The following ZDHHC15 variants were observed in gnomAD, a reference collection of about 807,000 sequenced individuals.
ZDHHC15 encodes zDHHC palmitoyltransferase 15.
Under a neutral mutation model 31.7 loss-of-function variants are expected in ZDHHC15, and 19 were observed. The ratio of observed to expected loss-of-function variants is 0.60; its 90% CI spans 0.42 to 0.88. The LOEUF is 0.88. Ranked by LOEUF, ZDHHC15 falls within the 40% of genes least tolerant of loss-of-function variation. The pLI, the probability that ZDHHC15 is intolerant of heterozygous loss-of-function variation, is 0.00. For missense variants in ZDHHC15, 209 were observed against 251.2 expected (o/e 0.83, Z 1.14); for synonymous variants, 103 against 90.0 (o/e 1.14, Z -0.82).
intron 3 of ZDHHC15, among the ~76,000 whole-genome samples, chrX:75,478,459 C>T (rs912295527): frequency 7.2e-5 from 8 of 111,149 alleles, no homozygotes; most frequent in African/African-American, 2.0e-4. Flanking sequence ...CACAGGTCAC[C>T]GCAGCCTCAA....
chrX:75,508,118 C>T (rs1056200497), intron 1 of ZDHHC15, among the ~76,000 whole-genome samples: 10 of 110,668 alleles, frequency 9.0e-5, no homozygotes, highest in Admixed American at 2.9e-4. Context: ...ATATATTTTA[C>T]CAATATATCA....
chrX:75,462,356 G>A (rs1258926986), intron 3 of ZDHHC15, among the ~76,000 whole-genome samples: 1 of 112,002 alleles, frequency 8.9e-6, no homozygotes, highest in Non-Finnish European at 1.9e-5. Flanking sequence ...GACAGTATTA[G>A]TCAGATCATC....
chrX:75,471,714 C>T (rs1171175354), intron 3 of ZDHHC15, among the ~76,000 whole-genome samples: 1 of 111,925 alleles, frequency 8.9e-6, no homozygotes, highest in African/African-American at 3.2e-5. Context: ...GGCTCTTCAA[C>T]AGGTCCAGGC....
chrX:75,469,048 A>G (rs925881745), intron 3 of ZDHHC15, among the ~76,000 whole-genome samples: 3 of 57,855 alleles, frequency 5.2e-5, no homozygotes, highest in Non-Finnish European at 1.8e-4. Context: ...TTGATGTACA[A>G]AAGGCTTTTT....
At chrX:75,380,855 G>A (rs1240767162) in intron 10 of ZDHHC15, among the ~76,000 whole-genome samples, 2 of 111,349 alleles carry the variant, frequency 1.8e-5, no homozygotes, top group Non-Finnish European at 3.8e-5. Flanking sequence ...TAGTCTTAGT[G>A]TGTGCTGGTT....
In ZDHHC15 at chrX:75,520,793, G is replaced by A. The variant is rs969746691; in HGVS notation, c.136+2096C>T. Among the ~76,000 whole-genome samples the A allele has an allele frequency of 1.0e-3, 112 of 111,312 alleles. 1 individual carries two copies. Among genetic ancestry groups the A allele is most frequent in the African/African-American group, 3.5e-3 (108 of 30,663 alleles). ...ACTTGTATCTATGAAGGCAACTAAT[G>A]ACATTTATTTTAAGAGCTCTTTCTG... On this transcript the variant is annotated intron_variant, in intron 1 of 11. Transcript: ENST00000373367.
At chrX:75,407,472 G>T (rs763549747) in intron 10 of ZDHHC15, among the ~76,000 whole-genome samples, 1 of 106,446 alleles carries the variant, frequency 9.4e-6, no homozygotes, top group Non-Finnish European at 2.0e-5. Context: ...CAGCCACCCC[G>T]CCTGGCCAGC....
chrX:75,396,293 C>T (rs1334371537), intron 10 of ZDHHC15, among the ~76,000 whole-genome samples: 1 of 111,717 alleles, frequency 9.0e-6, no homozygotes, highest in Non-Finnish European at 1.9e-5. Context: ...TCAAACAATT[C>T]TATAGGAAAA....
rs776085954 is a variant in ZDHHC15, at chrX:75,378,238, C to A, written c.*32+882G>T. ...TGCAGACTTGGATAAGTGATTTAACCTCTCTGCATATCAGTTTTCTCATAA... is the reference window on the plus strand; with the variant it reads ...TGCAGACTTGGATAAGTGATTTAACATCTCTGCATATCAGTTTTCTCATAA... On this transcript the variant is annotated intron_variant, in intron 11 of 11. Transcript: ENST00000373367. 5.3e-5 allele frequency among the ~76,000 whole-genome samples: 6 copies of A among 112,165 alleles called. No homozygotes were observed. In the Admixed American group the frequency reaches 5.7e-4, roughly 11 times the overall value.
At chrX:75,435,583 C>T (rs1002816325) in intron 4 of ZDHHC15, among the ~76,000 whole-genome samples, 4 of 111,837 alleles carry the variant, frequency 3.6e-5, no homozygotes, top group Non-Finnish European at 5.6e-5. Context: ...GTTTTTTCTG[C>T]GTCTATTGAG....
chrX:75,430,828 C>T (rs2083770784), intron 5 of ZDHHC15, among the ~76,000 whole-genome samples: 1 of 111,356 alleles, frequency 9.0e-6, no homozygotes, highest in East Asian at 2.8e-4. Flanking sequence ...TCTTCCTCCC[C>T]CAGATCATAT....
intron 10 of ZDHHC15, among the ~76,000 whole-genome samples, chrX:75,411,691 A>T (rs1351545430): frequency 8.9e-6 from 1 of 112,199 alleles, no homozygotes. Context: ...TATTTTTAAA[A>T]CCACAGTGCA....
At chrX:75,416,627 G>A (rs2083551630) in intron 10 of ZDHHC15, among the ~76,000 whole-genome samples, 1 of 111,882 alleles carries the variant, frequency 8.9e-6, no homozygotes, top group African/African-American at 3.2e-5. Flanking sequence ...ACATGCATGT[G>A]TAGGCTTGCC....
intron 3 of ZDHHC15, among the ~76,000 whole-genome samples, chrX:75,455,740 G>A (rs1456768068): frequency 1.1e-4 from 12 of 112,401 alleles, no homozygotes; most frequent in African/African-American, 3.9e-4. Flanking sequence ...AGACATTTAT[G>A]CAGCCAAAGA....
chrX:75,513,574 C>G (rs1358356453), intron 1 of ZDHHC15, among the ~76,000 whole-genome samples: 1 of 111,579 alleles, frequency 9.0e-6, no homozygotes. Flanking sequence ...GCCGCCTACA[C>G]TCTACTATAT....
intron 2 of ZDHHC15, among the ~76,000 whole-genome samples, chrX:75,484,206 A>C (rs1486460041): frequency 9.0e-6 from 1 of 110,575 alleles, no homozygotes; most frequent in Non-Finnish European, 1.9e-5. Context: ...TTGTTGGAAA[A>C]CTCCAATTGT....
At chrX:75,403,874 T>C (rs1034347008) in intron 10 of ZDHHC15, among the ~76,000 whole-genome samples, 1 of 111,736 alleles carries the variant, frequency 8.9e-6, no homozygotes, top group Non-Finnish European at 1.9e-5. Context: ...ACTAGACAAA[T>C]GTTTTAAAAT....
intron 2 of ZDHHC15, among the ~76,000 whole-genome samples, chrX:75,491,812 G>A (rs2084900202): frequency 9.0e-6 from 1 of 111,110 alleles, no homozygotes; most frequent in Admixed American, 9.7e-5. Flanking sequence ...GGAAAGGAAT[G>A]ATCAGTACCA....
At chrX:75,383,824 C>T (rs1321506548) in intron 10 of ZDHHC15, among the ~76,000 whole-genome samples, 3 of 101,134 alleles carry the variant, frequency 3.0e-5, no homozygotes, top group Non-Finnish European at 4.0e-5. Flanking sequence ...CTGCAAGCTC[C>T]GCCTCCCGAG....
Sources: gnomAD v4.1 joint callset for allele counts (sites outside exome capture counted in the v4.1 genomes callset) on GRCh38, gnomAD v4.1.1 for gene constraint, MANE v1.5 for transcripts, NCBI Gene and HGNC (gene_info 2026-07-23, HGNC 2026-07-21) for gene names.